Variants in PCDHGA2 observed in about 807,000 individuals in gnomAD.
The protein encoded by PCDHGA2 is protocadherin gamma subfamily A, 2, also known as protocadherin gamma-A2.
Under a neutral mutation model 59.2 loss-of-function variants are expected in PCDHGA2, and 40 were observed. The observed-to-expected ratio is 0.68, with a 90% CI of 0.52 to 0.88. The LOEUF (loss-of-function observed/expected upper bound fraction) is 0.88. PCDHGA2 is among the 40% of genes least tolerant of loss of function. The pLI is 0.00. For missense variants in PCDHGA2, 1,226 were observed against 1,204.0 expected, an observed-to-expected ratio of 1.02 and a Z score of -0.27; for synonymous variants, 560 against 526.0, an observed-to-expected ratio of 1.06 and a Z score of -0.89.
At chr5:141,374,467 C>A (rs1430397717) in intron 1 of PCDHGA2, 1 of 1,612,694 alleles carries the variant, frequency 6.2e-7, no homozygotes, top group Admixed American at 1.7e-5. Flanking sequence ...ACATTAATGA[C>A]AATACACCCC....
intron 1 of PCDHGA2, chr5:141,391,639 A>G (rs1166696968): frequency 6.6e-6 from 1 of 152,354 alleles, no homozygotes; most frequent in East Asian, 1.9e-4. Context: ...TAGTCAGTGA[A>G]AAAACTATCA....
Position 141,340,419 on chromosome 5 carries a change from A to G in PCDHGA2, c.1448A>G (p.Asp483Gly). 6.2e-7 allele frequency: 1 copy of G among 1,614,150 alleles called. No homozygotes were observed. The highest frequency in any genetic ancestry group is 8.5e-7 in the Non-Finnish European group (1 of 1,180,036). The change falls in exon 1 of 4, where the codon GAC becomes GGC. Residue 483 changes from aspartate (D) to glycine (G), a missense_variant. Physicochemically the swap from Asp to Gly is moderately conservative, Grantham distance 94 (BLOSUM62 -1). Coordinates refer to ENST00000394576, the MANE Select transcript of PCDHGA2 (RefSeq NM_018915.4). ...SVTAHDPDSN[D>G]NAHVTYSFAE... ...ACGGCCCATGACCCCGACAGCAACG[A>G]CAATGCTCATGTAACTTACTCTTTC...
intron 1 of PCDHGA2, chr5:141,389,435 C>T (rs1403223210): frequency 8.1e-6 from 13 of 1,610,504 alleles, no homozygotes. Flanking sequence ...CGCAGCGCGC[C>T]TTCGACCACG....
intron 1 of PCDHGA2, chr5:141,374,744 G>A: frequency 1.2e-6 from 2 of 1,611,982 alleles, no homozygotes; most frequent in East Asian, 2.2e-5. Context: ...CGGCGACCCT[G>A]TCCGCTCAAG....
intron 1 of PCDHGA2, chr5:141,361,605 C>T (rs1291967828): frequency 4.3e-6 from 7 of 1,613,908 alleles, no homozygotes; most frequent in South Asian, 1.1e-5. Flanking sequence ...TTTCCTACTC[C>T]ATCGTAGCGA....
At chr5:141,447,082 T>C (rs1259827606) in intron 1 of PCDHGA2, among the ~76,000 whole-genome samples, 3 of 152,156 alleles carry the variant, frequency 2.0e-5, no homozygotes, top group Non-Finnish European at 2.9e-5. Context: ...ATTTTTGTTG[T>C]TTAATTTTCT....
chr5:141,487,176 A>T lies in PCDHGA2; in HGVS notation c.2425-7631A>T. ...ACTCTCTTAGTGTCCTTAGAGGAAG[A>T]CACTCATCCAGTTGTCCCAGATCTT... On this transcript the variant is annotated intron_variant, in intron 1 of 3. Transcript: ENST00000394576. This position sits in a 1 kb window ranked among gnomAD's most constrained non-coding sequence, Gnocchi z 5.0. 1 of 1,613,774 alleles carries T rather than the reference A, an allele frequency of 6.2e-7. No individual in the cohort carries two copies. Among genetic ancestry groups the T allele is most frequent in the South Asian group, 1.1e-5 (1 of 91,082 alleles).
At chr5:141,453,811 A>G (rs541081089) in intron 1 of PCDHGA2, among the ~76,000 whole-genome samples, 1 of 152,350 alleles carries the variant, frequency 6.6e-6, no homozygotes, top group Admixed American at 6.5e-5. Context: ...AGTTCCATAA[A>G]GGACAAACTT....
intron 1 of PCDHGA2, chr5:141,346,671 T>A: frequency 1.4e-6 from 1 of 696,800 alleles, no homozygotes; most frequent in Non-Finnish European, 2.4e-6. Context: ...TAATACATCG[T>A]GAGTGAAAGT....
chr5:141,422,520 G>T, intron 1 of PCDHGA2: 2 of 1,613,946 alleles, frequency 1.2e-6, no homozygotes, highest in Middle Eastern at 1.6e-4. Flanking sequence ...AGGGAAGCCC[G>T]CCTTTGTCTG....
intron 1 of PCDHGA2, among the ~76,000 whole-genome samples, chr5:141,460,801 ATATGTATG>A (rs2098998171): frequency 6.6e-6 from 1 of 152,010 alleles, no homozygotes; most frequent in Non-Finnish European, 1.5e-5. Context: ...CAAAGTATAT[ATATGTATG>A]TATACATATA....
chr5:141,409,720 A>C (rs2095305667), intron 1 of PCDHGA2: 1 of 1,613,176 alleles, frequency 6.2e-7, no homozygotes, highest in Non-Finnish European at 8.5e-7. Context: ...CATACGTGTC[A>C]GTGAGCGCGC....
intron 1 of PCDHGA2, chr5:141,409,236 C>T (rs1305954301): frequency 1.2e-6 from 2 of 1,613,866 alleles, no homozygotes; most frequent in Non-Finnish European, 8.5e-7. Flanking sequence ...GACAACAGCC[C>T]AGAAATAATC....
At position 141,351,179 on chromosome 5, in the gene PCDHGA2, G is replaced by A. The variant is rs549882944; in HGVS notation, c.2424+9784G>A. On this transcript the variant is annotated intron_variant, in intron 1 of 3. Transcript: ENST00000394576. ...AACCAATGGCACATTGGATTTTGAAGAGACAAGTAGATATGTGTTGAGTGT... is the reference window on the plus strand; with the variant it reads ...AACCAATGGCACATTGGATTTTGAAAAGACAAGTAGATATGTGTTGAGTGT... The A allele has an allele frequency of 2.5e-6, 4 of 1,614,042 alleles. No individual in the cohort carries two copies. The South Asian group carries it at 4.4e-5, about 18-fold the overall frequency.
At chr5:141,361,231 A>G (rs1248946415) in intron 1 of PCDHGA2, 3 of 1,614,014 alleles carry the variant, frequency 1.9e-6, no homozygotes, top group Non-Finnish European at 2.5e-6. Context: ...AGGAACAGTG[A>G]TCGCCTTGAT....
At chr5:141,473,988 G>T (rs1006988447) in intron 1 of PCDHGA2, among the ~76,000 whole-genome samples, 2 of 152,118 alleles carry the variant, frequency 1.3e-5, no homozygotes, top group Middle Eastern at 3.2e-3. Context: ...AGGATCCCTT[G>T]AGCCCAAGGA....
At position 141,410,559 on chromosome 5, in the gene PCDHGA2, G is replaced by A. The variant is rs1239897819; in HGVS notation, c.2424+69164G>A. 9.9e-6 allele frequency: 16 copies of A among 1,612,722 alleles called. No individual in the cohort carries two copies. Among genetic ancestry groups the A allele is most frequent in the African/African-American group, 5.3e-5 (4 of 74,894 alleles). On this transcript the variant is annotated intron_variant, in intron 1 of 3. Transcript: ENST00000394576. ...GACATGGTTTGCAGTGTTTCTCCTG[G>A]AGCCTTAATTCCACCTCATGGTGGG...
chr5:141,427,855 G>T (rs2097079766), intron 1 of PCDHGA2: 1 of 1,553,826 alleles, frequency 6.4e-7, no homozygotes, highest in Non-Finnish European at 8.8e-7. Flanking sequence ...GAGCAGCTGT[G>T]CGCCTTCGAG....
chr5:141,353,252 T>C (rs1274889420), intron 1 of PCDHGA2, among the ~76,000 whole-genome samples: 1 of 152,210 alleles, frequency 6.6e-6, no homozygotes, highest in African/African-American at 2.4e-5. Context: ...CTTTTCTTAG[T>C]TGATATGCAA....
Sources: allele counts gnomAD v4.1 joint callset (sites outside exome capture counted in the v4.1 genomes callset), GRCh38; gene constraint gnomAD v4.1.1; non-coding constraint Gnocchi (gnomAD v3.1); transcripts MANE v1.5; gene names NCBI Gene and HGNC (gene_info 2026-07-23, HGNC 2026-07-21).